The following LRRK1 variants were observed in gnomAD, a reference collection of about 807,000 sequenced individuals.
LRRK1 encodes leucine rich repeat kinase 1.
A neutral mutation model predicts 209.1 loss-of-function variants in LRRK1; 113 were observed. The observed-to-expected ratio is 0.54, with a 90% confidence interval of 0.46 to 0.63. The LOEUF (loss-of-function observed/expected upper bound fraction) is 0.63, where lower values mean the gene tolerates loss of function less well. Among genes scored for constraint, LRRK1 ranks in the 30% least tolerant of loss-of-function variants. The probability of loss-of-function intolerance (pLI) is 0.00; values close to 1 mark genes in which losing one functional copy is unlikely to be tolerated. For synonymous variants in LRRK1, 1,144 were observed against 1,099.7 expected (o/e 1.04, Z -0.80); for missense variants, 2,284 against 2,632.2 (o/e 0.87, Z 2.89).
At chr15:100,944,407 T>C (rs577146524) in intron 2 of LRRK1, among the ~76,000 whole-genome samples, 2 of 152,318 alleles carry the variant, frequency 1.3e-5, no homozygotes, top group East Asian at 3.9e-4. Flanking sequence ...TCTCAGAGTT[T>C]GTATCTTAGG....
At chr15:100,976,033 TAA>T (rs2141656206) in intron 3 of LRRK1, among the ~76,000 whole-genome samples, 2 of 152,102 alleles carry the variant, frequency 1.3e-5, no homozygotes, top group South Asian at 4.2e-4. Flanking sequence ...AAAAACATAA[TAA>T]GAGAATGTAT....
At chr15:100,941,752 G>T (rs550374028) in intron 2 of LRRK1, among the ~76,000 whole-genome samples, 2 of 152,124 alleles carry the variant, frequency 1.3e-5, no homozygotes, top group South Asian at 4.1e-4. Context: ...CATGGCTTCC[G>T]GGTGGTGGGC....
At chr15:100,963,335 A>G (rs886281129) in intron 2 of LRRK1, among the ~76,000 whole-genome samples, 4 of 152,236 alleles carry the variant, frequency 2.6e-5, no homozygotes, top group Non-Finnish European at 5.9e-5. Flanking sequence ...GCCGAGTAGC[A>G]GCGACTCTGT....
intron 2 of LRRK1, among the ~76,000 whole-genome samples, chr15:100,958,496 ATTTGACCCATAGC>A (rs1183282227): frequency 6.6e-6 from 1 of 152,330 alleles, no homozygotes; most frequent in East Asian, 1.9e-4. Flanking sequence ...CCTCACTAAC[ATTTGACCCATAGC>A]TAAGTAAATA....
intron 31 of LRRK1, 54 bp downstream of exon 31, chr15:101,062,744 G>A (rs1219178682): frequency 7.8e-7 from 1 of 1,283,082 alleles, no homozygotes; most frequent in African/African-American, 1.5e-5. Flanking sequence ...TCCACGCCTA[G>A]GAGGCGTCTC....
intron 2 of LRRK1, among the ~76,000 whole-genome samples, chr15:100,950,911 G>A (rs921608533): frequency 6.6e-6 from 1 of 152,174 alleles, no homozygotes; most frequent in Non-Finnish European, 1.5e-5. Flanking sequence ...AGACCATCCT[G>A]GCTAACACGG....
Position 101,057,025 on chromosome 15 carries a change from A to G in LRRK1, c.4502A>G (p.Glu1501Gly). Residue 1501 changes from glutamate to glycine, a missense_variant, in exon 28 of 34, where the codon GAG becomes GGG. Glu to Gly is a moderately conservative substitution (Grantham distance 98). Coordinates refer to ENST00000388948, the MANE Select transcript of LRRK1 (RefSeq NM_024652.6). ...QFRRLQALMMECWDTKPEKRP... is the reference protein window; with the variant it reads ...QFRRLQALMMGCWDTKPEKRP... ...CGGCGACTGCAGGCGCTCATGATGG[A>G]GTGCTGGGACACTAAGCCAGAGAAG... 1 of 1,612,530 alleles carries G rather than the reference A, an allele frequency of 6.2e-7. No homozygotes were observed. Among genetic ancestry groups the G allele is most frequent in the Non-Finnish European group, 8.5e-7 (1 of 1,179,204 alleles).
rs1420508294 is a variant in LRRK1, at chr15:101,008,342, C to T, written c.763-495C>T. 2.0e-5 allele frequency among the ~76,000 whole-genome samples: 3 copies of T among 152,214 alleles called. No individual in the cohort carries two copies. In the East Asian group the frequency reaches 5.8e-4, roughly 29 times the overall value. ...CAGGCTCGCTCTGAAAGCAGCCTGT[C>T]CACCAAGCACCCTGGCGCGGTGCGG... On this transcript the variant is annotated intron_variant, in intron 6 of 33. Coordinates refer to ENST00000388948, the MANE Select transcript of LRRK1 (RefSeq NM_024652.6).
intron 2 of LRRK1, among the ~76,000 whole-genome samples, chr15:100,927,753 T>C (rs937783452): frequency 6.6e-6 from 1 of 152,218 alleles, no homozygotes; most frequent in East Asian, 1.9e-4. Flanking sequence ...ATAAGGAATC[T>C]GGTGAGAAGC....
intron 1 of LRRK1, among the ~76,000 whole-genome samples, chr15:100,922,337 A>C (rs889729574): frequency 6.6e-6 from 1 of 152,230 alleles, no homozygotes; most frequent in Admixed American, 6.5e-5. Flanking sequence ...AAACTGCTCC[A>C]GGGGCAGAGT....
chr15:100,972,351 AGAGAGAGAGAGAGTGT>A (rs987779131), intron 2 of LRRK1, among the ~76,000 whole-genome samples: 5 of 133,598 alleles, frequency 3.7e-5, no homozygotes, highest in Admixed American at 7.1e-5. Context: ...AGAGAGAGAG[AGAGAGAGAGAGAGTGT>A]GTGTGTGTGT....
At chr15:101,056,056 C>T (rs931113678) in intron 27 of LRRK1, among the ~76,000 whole-genome samples, 2 of 152,196 alleles carry the variant, frequency 1.3e-5, no homozygotes, top group African/African-American at 4.8e-5. Flanking sequence ...CTGACTTCAA[C>T]AAGGAGGTCA....
In LRRK1 at chr15:101,008,947, G is replaced by T. The variant is rs907238145; in HGVS notation, c.873G>T (p.Ala291=). The T allele has an allele frequency of 9.9e-6, 16 of 1,613,950 alleles. No homozygotes were observed. Among genetic ancestry groups the T allele is most frequent in the Non-Finnish European group, 1.1e-5 (13 of 1,180,002 alleles). The change falls in exon 7 of 34, where the codon GCG becomes GCT. Residue 291 remains alanine, a synonymous_variant. Transcript: ENST00000388948. ...TELDLSANCL[A]TLPSVIPWGL... ...TCGACCTTTCTGCCAACTGCCTGGCGACCCTCCCCTCGGTTATCCCCTGGG... is the reference window on the plus strand; with the variant it reads ...TCGACCTTTCTGCCAACTGCCTGGCTACCCTCCCCTCGGTTATCCCCTGGG...
chr15:101,005,529 A>G (rs1347803694), intron 6 of LRRK1, among the ~76,000 whole-genome samples: 1 of 152,250 alleles, frequency 6.6e-6, no homozygotes, highest in Non-Finnish European at 1.5e-5. Flanking sequence ...GCTGTGTCCC[A>G]TCAATGGGCT....
chr15:100,998,179 CAAAA>C (rs536380783), intron 6 of LRRK1, among the ~76,000 whole-genome samples: 2 of 88,848 alleles, frequency 2.3e-5, no homozygotes, highest in Non-Finnish European at 4.7e-5. Flanking sequence ...GACTCTGTCT[CAAAA>C]AAAAAAAAAA....
At position 100,970,839 on chromosome 15, in the gene LRRK1, G is replaced by T. The variant is rs146890878; in HGVS notation, c.98-2965G>T. Among the ~76,000 whole-genome samples, 58 of 152,080 alleles carry T rather than the reference G, an allele frequency of 3.8e-4. 1 individual carries two copies. The East Asian group carries it at 9.7e-3, about 25-fold the overall frequency. ...GATGGATGTCTTCCCACTTATTTAG[G>T]TCTTGTTCAATTTCTCTCAGCAATG... is the stretch of plus-strand genomic sequence containing the variant. On this transcript the variant is annotated intron_variant, in intron 2 of 33. Transcript: ENST00000388948.
chr15:101,067,227 T>G, intron 33 of LRRK1: 2 of 456,086 alleles, frequency 4.4e-6, no homozygotes, highest in Non-Finnish European at 8.8e-6. Flanking sequence ...TGTCTGTGGG[T>G]GGGGACCCCC....
intron 10 of LRRK1, among the ~76,000 whole-genome samples, chr15:101,013,900 A>C (rs1450493088): frequency 6.6e-6 from 1 of 152,152 alleles, no homozygotes; most frequent in Non-Finnish European, 1.5e-5. Context: ...ACCCACCAGG[A>C]GGTGGCAGAC....
At chr15:101,032,704 C>T (rs1188269857) in intron 20 of LRRK1, among the ~76,000 whole-genome samples, 1 of 152,078 alleles carries the variant, frequency 6.6e-6, no homozygotes, top group African/African-American at 2.4e-5. Flanking sequence ...GGGTCGAGGT[C>T]CATTTTTTTC....
Sources: allele counts gnomAD v4.1 joint callset (sites outside exome capture counted in the v4.1 genomes callset), GRCh38; gene constraint gnomAD v4.1.1; transcripts MANE v1.5; gene names NCBI Gene and HGNC (gene_info 2026-07-23, HGNC 2026-07-21).